Variants in PDZRN4 observed in about 807,000 individuals in gnomAD.
PDZRN4 encodes the protein PDZ domain-containing RING finger protein 4.
In PDZRN4, 70 loss-of-function variants were observed where a neutral mutation model predicts 99.0. The observed-to-expected ratio is 0.71, with a 90% CI of 0.58 to 0.86. The LOEUF is 0.86. Ranked by LOEUF, PDZRN4 falls within the 40% of genes least tolerant of loss-of-function variation. The probability of loss-of-function intolerance (pLI) is 0.00; values close to 1 mark genes in which losing one functional copy is unlikely to be tolerated. For missense variants in PDZRN4, 1,474 were observed against 1,331.2 expected (o/e 1.11, Z -1.67); for synonymous variants, 551 against 501.6 (o/e 1.10, Z -1.32).
At chr12:41,416,068 G>A (rs1268563631) in intron 3 of PDZRN4, among the ~76,000 whole-genome samples, 4 of 152,124 alleles carry the variant, frequency 2.6e-5, no homozygotes, top group Admixed American at 2.0e-4. Flanking sequence ...TATTTCCTCT[G>A]AGATTGACAA....
chr12:41,573,404 G>A lies in PDZRN4; in HGVS notation c.2625G>A (p.Met875Ile). 5 of 1,613,610 alleles carry A rather than the reference G, an allele frequency of 3.1e-6. No individual in the cohort carries two copies. Among genetic ancestry groups the A allele is most frequent in the Non-Finnish European group, 4.2e-6 (5 of 1,179,998 alleles). The part of the protein sequence containing the change: ...YAQSQLSLVS[M>I]CKESQKCSEP... ...AGAGTCAGCTCAGCTTGGTGAGCAT[G>A]TGCAAGGAGTCTCAGAAGTGTTCAG... Residue 875 changes from methionine (M) to isoleucine (I), a missense_variant, in exon 10 of 10, where the codon ATG (methionine) becomes ATA (isoleucine). By Grantham distance (10) the Met-to-Ile change is conservative. Transcript: ENST00000402685.
intron 3 of PDZRN4, among the ~76,000 whole-genome samples, chr12:41,218,904 C>T (rs1340144302): frequency 1.3e-5 from 2 of 150,820 alleles, no homozygotes; most frequent in East Asian, 1.9e-4. Context: ...CATTATTATT[C>T]CAATAGCTAG....
At chr12:41,338,521 A>G (rs577321554) in intron 3 of PDZRN4, among the ~76,000 whole-genome samples, 2 of 152,072 alleles carry the variant, frequency 1.3e-5, no homozygotes, top group South Asian at 2.1e-4. Flanking sequence ...CAACCAAACT[A>G]TTGGTTTTTC....
chr12:41,214,242 A>T (rs1555216860), intron 3 of PDZRN4, among the ~76,000 whole-genome samples: 1 of 130,476 alleles, frequency 7.7e-6, no homozygotes, highest in Non-Finnish European at 1.6e-5. Flanking sequence ...ACATAGTGAG[A>T]CCCTGTATTT....
intron 3 of PDZRN4, among the ~76,000 whole-genome samples, chr12:41,449,009 C>T (rs984566725): frequency 3.3e-5 from 5 of 152,108 alleles, no homozygotes; most frequent in Admixed American, 2.6e-4. Flanking sequence ...TTCATTACCT[C>T]GCTTTATGCA....
At chr12:41,396,741 T>C (rs578196305) in intron 3 of PDZRN4, among the ~76,000 whole-genome samples, 2 of 152,318 alleles carry the variant, frequency 1.3e-5, no homozygotes, top group African/African-American at 2.4e-5. Flanking sequence ...GTTTTCATTG[T>C]CTATTTGTAT....
At chr12:41,303,372 G>A (rs918387203) in intron 3 of PDZRN4, among the ~76,000 whole-genome samples, 7 of 152,150 alleles carry the variant, frequency 4.6e-5, no homozygotes, top group Non-Finnish European at 5.9e-5. Context: ...TCACAGTTAT[G>A]TATGATCTCA....
rs767057642 is a variant in PDZRN4, at chr12:41,574,169, A to G, written c.*279A>G. 6 of 238,646 alleles carry G rather than the reference A, an allele frequency of 2.5e-5. No individual in the cohort carries two copies. The highest frequency in any genetic ancestry group is 4.0e-5 in the Non-Finnish European group (5 of 125,562). 14.8% of individuals were successfully genotyped at this position (238,646 alleles called of 1,614,324 possible). A position where few individuals can be genotyped will look rare whatever the true frequency, so the allele number is the denominator to read the frequency against. Reference sequence around the variant, plus strand: ...AAAGAAAACAAAAAAAACTTGCACAAAAATACTGAGGAGCCAATTAATTTC... The same window carrying G: ...AAAGAAAACAAAAAAAACTTGCACAGAAATACTGAGGAGCCAATTAATTTC... On this transcript the variant is annotated 3_prime_UTR_variant, in exon 10 of 10. Coordinates refer to ENST00000402685, the MANE Select transcript of PDZRN4 (RefSeq NM_001164595.2).
At chr12:41,243,104 A>G (rs1951110918) in intron 3 of PDZRN4, among the ~76,000 whole-genome samples, 1 of 152,206 alleles carries the variant, frequency 6.6e-6, no homozygotes, top group Non-Finnish European at 1.5e-5. Context: ...TTTTGAGTGT[A>G]GAGGAAAGCA....
chr12:41,520,552 T>G (rs1382680378), intron 5 of PDZRN4, among the ~76,000 whole-genome samples: 1 of 151,942 alleles, frequency 6.6e-6, no homozygotes, highest in African/African-American at 2.4e-5. Flanking sequence ...AGAGAAAATA[T>G]GATCATATTT....
intron 3 of PDZRN4, among the ~76,000 whole-genome samples, chr12:41,248,607 A>C (rs1028806835): frequency 6.6e-6 from 1 of 152,194 alleles, no homozygotes; most frequent in African/African-American, 2.4e-5. Context: ...ACTGTCAGAA[A>C]AAGAACTCAG....
chr12:41,313,350 G>C (rs1181253250), intron 3 of PDZRN4, among the ~76,000 whole-genome samples: 2 of 152,014 alleles, frequency 1.3e-5, no homozygotes, highest in African/African-American at 4.8e-5. Flanking sequence ...ATGCAAATAT[G>C]CTTTTATTAT....
At chr12:41,435,823 A>G (rs1952624563) in intron 3 of PDZRN4, among the ~76,000 whole-genome samples, 1 of 152,178 alleles carries the variant, frequency 6.6e-6, no homozygotes, top group Admixed American at 6.6e-5. Flanking sequence ...AATACAGAGT[A>G]TGAACATCTG....
intron 3 of PDZRN4, among the ~76,000 whole-genome samples, chr12:41,382,300 A>G (rs1427348474): frequency 6.6e-6 from 1 of 151,958 alleles, no homozygotes; most frequent in Non-Finnish European, 1.5e-5. Context: ...TGTGCTCTAC[A>G]ATTGGGTGAG....
chr12:41,260,203 T>C (rs995885963), intron 3 of PDZRN4, among the ~76,000 whole-genome samples: 37 of 152,174 alleles, frequency 2.4e-4, no homozygotes, highest in African/African-American at 8.7e-4. Context: ...TTCCTTTTCA[T>C]GTGTTTTACT....
At chr12:41,353,060 G>A (rs965170792) in intron 3 of PDZRN4, among the ~76,000 whole-genome samples, 1 of 151,556 alleles carries the variant, frequency 6.6e-6, no homozygotes, top group African/African-American at 2.4e-5. Flanking sequence ...AAGAGAGAAA[G>A]GCATTTCATC....
chr12:41,465,229 C>A (rs1952913384), intron 3 of PDZRN4, among the ~76,000 whole-genome samples: 1 of 152,148 alleles, frequency 6.6e-6, no homozygotes, highest in Non-Finnish European at 1.5e-5. Flanking sequence ...TCTACCAATG[C>A]CCTTCTACTT....
intron 3 of PDZRN4, among the ~76,000 whole-genome samples, chr12:41,221,632 T>G (rs1950956696): frequency 6.6e-6 from 1 of 152,070 alleles, no homozygotes; most frequent in Non-Finnish European, 1.5e-5. Context: ...GTGTAGTAAT[T>G]TAAGGCTTTT....
chr12:41,516,232 T>C (rs1299304579), intron 5 of PDZRN4, among the ~76,000 whole-genome samples: 1 of 152,120 alleles, frequency 6.6e-6, no homozygotes, highest in Non-Finnish European at 1.5e-5. Flanking sequence ...TAGTCATTTA[T>C]GTACTTGTCT....
Sources: allele counts gnomAD v4.1 joint callset (sites outside exome capture counted in the v4.1 genomes callset), GRCh38; gene constraint gnomAD v4.1.1; transcripts MANE v1.5; gene names NCBI Gene and HGNC (gene_info 2026-07-23, HGNC 2026-07-21).